Variants in TSPAN19 observed in about 807,000 individuals in gnomAD.
The protein encoded by TSPAN19 is tetraspanin-19.
In TSPAN19, 44 loss-of-function variants were observed where a neutral mutation model predicts 35.1. The observed-to-expected ratio is 1.25, with a 90% CI of 0.98 to 1.61. TSPAN19 has a LOEUF of 1.61. Among genes scored for constraint, TSPAN19 ranks in the 40% most tolerant of loss-of-function variants. The pLI, the probability that TSPAN19 is intolerant of heterozygous loss-of-function variation, is 0.00. For missense variants in TSPAN19, 290 were observed against 280.0 expected (o/e 1.04, Z -0.26); for synonymous variants, 79 against 92.0 (o/e 0.86, Z 0.81).
Position 85,035,921 on chromosome 12 carries a change from C to G in TSPAN19, c.-28+283G>C, listed in dbSNP as rs1025003418. ...TTGATTGATGATTTTTTTCTTTTTT[C>G]CTTTTTCTTTTCTTTTCTTTTTTAA... is the stretch of plus-strand genomic sequence containing the variant. On this transcript the variant is annotated intron_variant, in intron 1 of 8. Transcript: ENST00000532498. 2.0e-5 allele frequency among the ~76,000 whole-genome samples: 3 copies of G among 151,688 alleles called. No homozygotes were observed. In the East Asian group the frequency reaches 5.8e-4, roughly 29 times the overall value.
At chr12:85,014,766 G>A (rs562515321) in intron 8 of TSPAN19, 16 of 404,832 alleles carry the variant, frequency 4.0e-5, no homozygotes, top group East Asian at 1.2e-4. Flanking sequence ...CCAAGTTCAC[G>A]TACAGAGGAG....
In TSPAN19 at chr12:85,029,811, G is replaced by T. The variant is rs968070763; in HGVS notation, c.67-20C>A. ...AAGAACCTAAAAAAAGAAAGTCAAT[G>T]CTTATTTTTTTGTAATTGCCTATAC... On this transcript the variant is annotated intron_variant, in intron 2 of 8. Transcript: ENST00000532498. 6.5e-6 allele frequency: 10 copies of T among 1,538,894 alleles called. No individual in the cohort carries two copies. In the African/African-American group the frequency reaches 1.1e-4, roughly 17 times the overall value.
chr12:85,016,143 A>G (rs1876782339), intron 7 of TSPAN19, 172 bp from the exon 8 acceptor site: 1 of 469,100 alleles, frequency 2.1e-6, no homozygotes, highest in South Asian at 3.7e-5. Context: ...CTACGGCAGC[A>G]GGACACCTCA....
rs1876880859 is a variant in TSPAN19, at chr12:85,017,533, G to A, written c.517C>T (p.Gln173Ter). Residue 173 changes from glutamine to a stop codon, truncating the protein, a stop_gained, in exon 7 of 9, where the codon CAG becomes TAG. Coordinates refer to ENST00000532498, the MANE Select transcript of TSPAN19 (RefSeq NM_001100917.2). LOFTEE classifies it high-confidence loss of function. Reference protein sequence around the residue: ...IKNKNKENSGQVPCSCTKSTL... With the variant: ...IKNKNKENSG ...GACTTTGTGCAAGAACATGGCACCT[G>A]TCCTGAATTTTCTTTGTTCTTATTC... 2.5e-6 allele frequency: 4 copies of A among 1,601,300 alleles called. No homozygotes were observed. In the African/African-American group the frequency reaches 5.4e-5, roughly 21 times the overall value.
chr12:85,021,764 A>C (rs1462010557), intron 5 of TSPAN19, among the ~76,000 whole-genome samples: 1 of 152,092 alleles, frequency 6.6e-6, no homozygotes, highest in Non-Finnish European at 1.5e-5. Context: ...ATTGATGTAA[A>C]CAAAGCTGTT....
Position 85,023,329 on chromosome 12 carries a change from C to T in TSPAN19, c.336G>A (p.Glu112=). The T allele has an allele frequency of 2.5e-6, 4 of 1,578,316 alleles. No homozygotes were observed. The highest frequency in any genetic ancestry group is 3.4e-6 in the Non-Finnish European group (4 of 1,160,572). The change falls in exon 5 of 9, where the codon GAG becomes GAA. Residue 112 remains glutamate, a synonymous_variant. Coordinates refer to ENST00000532498, the MANE Select transcript of TSPAN19 (RefSeq NM_001100917.2). ...VLSAFIITKK[E]EVQQLWHDKI... is the part of the protein sequence containing the mutation. ...GAAAAGGATTTACTTTCCATACCTC[C>T]TCTTTCTTTGTGATGATGAATGCTG... is the stretch of plus-strand genomic sequence containing the variant.
chr12:85,020,069 AG>A (rs1278577102), intron 5 of TSPAN19, among the ~76,000 whole-genome samples: 27 of 151,938 alleles, frequency 1.8e-4, no homozygotes, highest in Admixed American at 1.6e-3. Flanking sequence ...AAGCCAAAAA[AG>A]TTTGTTGAGT....
At chr12:85,024,556 T>C (rs1418366061) in intron 4 of TSPAN19, 1 of 152,196 alleles carries the variant, frequency 6.6e-6, no homozygotes, top group East Asian at 1.9e-4. Context: ...GATGGGCAGA[T>C]CACTTTAGAT....
intron 8 of TSPAN19, 58 bp downstream of exon 8, chr12:85,015,830 C>T: frequency 7.9e-7 from 1 of 1,272,768 alleles, no homozygotes; most frequent in South Asian, 1.4e-5. Flanking sequence ...GCTCTGCAGT[C>T]TATTCTGTAT....
intron 1 of TSPAN19, 21 bp from the exon 2 acceptor site, chr12:85,029,994 T>A: frequency 7.3e-7 from 1 of 1,367,484 alleles, no homozygotes; most frequent in Non-Finnish European, 9.8e-7. Context: ...AACCATAACT[T>A]TTTAAACATT....
At chr12:85,026,477 T>C (rs1877418413) in intron 4 of TSPAN19, among the ~76,000 whole-genome samples, 2 of 152,174 alleles carry the variant, frequency 1.3e-5, no homozygotes, top group Non-Finnish European at 2.9e-5. Flanking sequence ...CAACAGAGCA[T>C]AGTCCTTGGA....
chr12:85,017,095 C>A (rs187280971), intron 7 of TSPAN19: 136 of 204,640 alleles, frequency 6.6e-4, no homozygotes, highest in African/African-American at 3.2e-3. Context: ...TTTGCCTATT[C>A]TTTTACTCCT....
intron 1 of TSPAN19, among the ~76,000 whole-genome samples, chr12:85,035,974 C>T (rs987817464): frequency 1.3e-5 from 2 of 151,826 alleles, no homozygotes; most frequent in African/African-American, 4.8e-5. Flanking sequence ...AGGCAAACAA[C>T]TTATTGACTT....
rs374178837 is a variant in TSPAN19 at position 85,015,541 on chromosome 12, T to TATAC, written c.678+346_678+347insGTAT. ...CTCTTACTGCCAATATATGAACATA[T>TATAC]ACACACACACACACACACACACACA... On this transcript the variant is annotated intron_variant, in intron 8 of 8. Transcript: ENST00000532498. 567 of 146,936 alleles carry TATAC rather than the reference T, an allele frequency of 3.9e-3. 5 individuals are homozygous for TATAC. The highest frequency in any genetic ancestry group is 0.012 in the African/African-American group (483 of 39,426). 9.1% of individuals were successfully genotyped at this position (146,936 alleles called of 1,614,324 possible). A position where few individuals can be genotyped will look rare whatever the true frequency, so the allele number is the denominator to read the frequency against.
At chr12:85,016,256 T>A (rs1291740576) in intron 7 of TSPAN19, 2 of 269,160 alleles carry the variant, frequency 7.4e-6, no homozygotes, top group Non-Finnish European at 1.4e-5. Context: ...TTGTAATTCA[T>A]CAGGATACAG....
At chr12:85,027,675 G>T (rs2135811419) in intron 4 of TSPAN19, among the ~76,000 whole-genome samples, 1 of 152,206 alleles carries the variant, frequency 6.6e-6, no homozygotes, top group East Asian at 1.9e-4. Flanking sequence ...AAAATTAAAT[G>T]TCCAAATGTG....
rs773145660 is a variant in TSPAN19 at position 85,023,363 on chromosome 12, A to T, written c.302T>A (p.Val101Asp). Residue 101 changes from valine (V) to aspartate (D), a missense_variant, in exon 5 of 9, where the codon GTT becomes GAT. By Grantham distance (152) the Val-to-Asp change is radical (BLOSUM62 -3). Transcript: ENST00000532498. ...TGTGATGATGAATGCTGAAAGTACA[A>T]CCTGAACAGCAAAGGTCCATGTTAT... ...VLITWTFAVQ[V>D]VLSAFIITKK... 1.3e-6 allele frequency: 2 copies of T among 1,589,416 alleles called. No individual in the cohort carries two copies. Among genetic ancestry groups the T allele is most frequent in the Non-Finnish European group, 8.6e-7 (1 of 1,166,836 alleles).
intron 4 of TSPAN19, among the ~76,000 whole-genome samples, chr12:85,027,177 T>C (rs1877457153): frequency 6.6e-6 from 1 of 152,202 alleles, no homozygotes; most frequent in South Asian, 2.1e-4. Flanking sequence ...GGCAACCAGA[T>C]GCTAGAGTCT....
intron 5 of TSPAN19, among the ~76,000 whole-genome samples, chr12:85,021,058 A>G (rs1283269930): frequency 6.6e-6 from 1 of 152,090 alleles, no homozygotes; most frequent in African/African-American, 2.4e-5. Context: ...CGATTGTCGT[A>G]GTAACTTAAG....
Sources: gnomAD v4.1 joint callset for allele counts (sites outside exome capture counted in the v4.1 genomes callset) on GRCh38, gnomAD v4.1.1 for gene constraint, MANE v1.5 for transcripts, NCBI Gene and HGNC (gene_info 2026-07-23, HGNC 2026-07-21) for gene names.